Variants in DRD5 observed in about 807,000 individuals in gnomAD.
The protein encoded by DRD5 is D(1B) dopamine receptor.
For synonymous variants in DRD5, 327 were observed against 277.1 expected, an observed-to-expected ratio of 1.18 and a Z score of -1.79; for missense variants, 758 against 657.8, an observed-to-expected ratio of 1.15 and a Z score of -1.67.
Position 9,782,909 on chromosome 4 carries a change from G to A in DRD5, c.880G>A (p.Val294Ile), listed in dbSNP as rs765403527. 13 of 1,613,850 alleles carry A rather than the reference G, an allele frequency of 8.1e-6. No individual in the cohort carries two copies. The highest frequency in any genetic ancestry group is 4.5e-5 in the East Asian group (2 of 44,886). Residue 294 changes from valine to isoleucine, a missense_variant, in exon 1 of 1, where the codon GTT (valine) becomes ATT (isoleucine). Physicochemically the swap from Val to Ile is conservative, Grantham distance 29. Coordinates refer to ENST00000304374, the MANE Select transcript of DRD5 (RefSeq NM_000798.5). ...CGCTTCCATCAAGAAGGAGACCAAGGTTCTCAAGACCCTGTCGGTGATCAT... is the reference window on the plus strand; with the variant it reads ...CGCTTCCATCAAGAAGGAGACCAAGATTCTCAAGACCCTGTCGGTGATCAT... Reference protein sequence around the residue: ...LRASIKKETKVLKTLSVIMGV... With the variant: ...LRASIKKETKILKTLSVIMGV...
Position 9,783,034 on chromosome 4 carries a change from C to A in DRD5, c.1005C>A (p.Cys335Ter), listed in dbSNP as rs145497708. Residue 335 changes from cysteine (C) to a stop codon, truncating the protein, a stop_gained, in exon 1 of 1, where the codon TGC becomes TGA. Transcript: ENST00000304374. LOFTEE classifies it low-confidence loss of function (END_TRUNC). The stretch of plus-strand genomic sequence containing the variant: ...AAGGCCCTCCGGCCGGCTTCCCCTG[C>A]GTCAGTGAGACCACCTTCGACGTCT... The part of the protein sequence containing the change: ...HPEGPPAGFP[C>*]VSETTFDVFV... The A allele has an allele frequency of 2.6e-3, 4,198 of 1,614,230 alleles. 13 individuals are homozygous for A. Among genetic ancestry groups the A allele is most frequent in the Non-Finnish European group, 3.1e-3 (3,680 of 1,180,036 alleles).
Position 9,781,873 on chromosome 4 carries a change from G to A in DRD5, c.-157G>A, listed in dbSNP as rs1207598244. On this transcript the variant is annotated 5_prime_UTR_variant, in exon 1 of 1. Transcript: ENST00000304374. ...CAGGAGGCAAGAGAAGTCCCCGCGC[G>A]CTCCGCAGCCCGGCGCAGCTCATGG... 7 of 584,820 alleles carry A rather than the reference G, an allele frequency of 1.2e-5. No individual in the cohort carries two copies. The highest frequency in any genetic ancestry group is 1.9e-5 in the Non-Finnish European group (7 of 369,494). The allele number at this position is 584,820 out of a possible 1,614,324, so 36.2% of individuals were successfully genotyped here.
rs774650319 is a variant in DRD5, at chr4:9,782,554, G to A, written c.525G>A (p.Pro175=). ...WTLSILISFI[P]VQLNWHRDQA... ...TGTCCATCCTCATCTCCTTCATTCC[G>A]GTCCAGCTCAACTGGCACAGGGACC... The change falls in exon 1 of 1, where the codon CCG becomes CCA. Residue 175 remains proline, a synonymous_variant. Coordinates refer to ENST00000304374, the MANE Select transcript of DRD5 (RefSeq NM_000798.5). 3.7e-6 allele frequency: 6 copies of A among 1,613,758 alleles called. No homozygotes were observed. Among genetic ancestry groups the A allele is most frequent in the Non-Finnish European group, 5.1e-6 (6 of 1,179,860 alleles).
chr4:9,782,625 A>T lies in DRD5; in HGVS notation c.596A>T (p.Asn199Ile). ...GGLDLPNNLA[N>I]WTPWEEDFWE... Reference sequence around the variant, plus strand: ...CTGGACCTGCCAAACAACCTGGCCAACTGGACGCCCTGGGAGGAGGACTTT... The same window carrying T: ...CTGGACCTGCCAAACAACCTGGCCATCTGGACGCCCTGGGAGGAGGACTTT... Residue 199 changes from asparagine to isoleucine, a missense_variant, in exon 1 of 1, where the codon AAC (asparagine) becomes ATC (isoleucine). Asn to Ile is a moderately radical substitution (Grantham distance 149). Coordinates refer to ENST00000304374, the MANE Select transcript of DRD5 (RefSeq NM_000798.5). 6.2e-7 allele frequency: 1 copy of T among 1,614,004 alleles called. No homozygotes were observed. The highest frequency in any genetic ancestry group is 8.5e-7 in the Non-Finnish European group (1 of 1,179,870).
Position 9,782,548 on chromosome 4 carries a change from C to T in DRD5, c.519C>T (p.Phe173=). The T allele has an allele frequency of 1.2e-6, 2 of 1,614,012 alleles. No individual in the cohort carries two copies. The highest frequency in any genetic ancestry group is 1.7e-6 in the Non-Finnish European group (2 of 1,179,880). The change falls in exon 1 of 1, where the codon TTC becomes TTT. Residue 173 remains phenylalanine, a synonymous_variant. Transcript: ENST00000304374. ...LAWTLSILIS[F]IPVQLNWHRD... ...GGACCTTGTCCATCCTCATCTCCTTCATTCCGGTCCAGCTCAACTGGCACA... is the reference window on the plus strand; with the variant it reads ...GGACCTTGTCCATCCTCATCTCCTTTATTCCGGTCCAGCTCAACTGGCACA...
chr4:9,782,465 T>G lies in DRD5; in HGVS notation c.436T>G (p.Phe146Val). ...CCGCTACTGGGCCATCTCCAGGCCC[T>G]TCCGCTACAAGCGCAAGATGACTCA... ...VDRYWAISRPFRYKRKMTQRM... is the reference protein window; with the variant it reads ...VDRYWAISRPVRYKRKMTQRM... Residue 146 changes from phenylalanine to valine, a missense_variant, in exon 1 of 1, where the codon TTC becomes GTC. Phe to Val is a conservative substitution (Grantham distance 50). Coordinates refer to ENST00000304374, the MANE Select transcript of DRD5 (RefSeq NM_000798.5). 6.2e-7 allele frequency: 1 copy of G among 1,613,958 alleles called. No homozygotes were observed. Among genetic ancestry groups the G allele is most frequent in the Non-Finnish European group, 8.5e-7 (1 of 1,179,812 alleles).
rs1265529628 is a variant in DRD5, at chr4:9,782,928, T to G, written c.899T>G (p.Val300Gly). The change falls in exon 1 of 1, where the codon GTG becomes GGG. Residue 300 changes from valine to glycine, a missense_variant. Coordinates refer to ENST00000304374, the MANE Select transcript of DRD5 (RefSeq NM_000798.5). ...KETKVLKTLSVIMGVFVCCWL... is the reference protein window; with the variant it reads ...KETKVLKTLSGIMGVFVCCWL... Reference sequence around the variant, plus strand: ...ACCAAGGTTCTCAAGACCCTGTCGGTGATCATGGGGGTCTTCGTGTGTTGC... The same window carrying G: ...ACCAAGGTTCTCAAGACCCTGTCGGGGATCATGGGGGTCTTCGTGTGTTGC... 1.2e-6 allele frequency: 2 copies of G among 1,613,932 alleles called. No individual in the cohort carries two copies. Among genetic ancestry groups the G allele is most frequent in the Admixed American group, 1.7e-5 (1 of 60,024 alleles).
In DRD5 at chr4:9,783,531, G is replaced by C; in HGVS notation, c.*68G>C. On this transcript the variant is annotated 3_prime_UTR_variant, in exon 1 of 1. Coordinates refer to ENST00000304374, the MANE Select transcript of DRD5 (RefSeq NM_000798.5). ...GACATTGACAAGCACGCACACACAC[G>C]CAAATACATGCCTTTCCAGTGCTGC... is the stretch of plus-strand genomic sequence containing the variant. The C allele has an allele frequency of 7.2e-7, 1 of 1,384,534 alleles. No individual in the cohort carries two copies. The highest frequency in any genetic ancestry group is 9.9e-7 in the Non-Finnish European group (1 of 1,012,552). The allele number at this position is 1,384,534 out of a possible 1,614,324, so 85.8% of individuals were successfully genotyped here.
At position 9,783,230 on chromosome 4, in the gene DRD5, G is replaced by C; in HGVS notation, c.1201G>C (p.Val401Leu). The C allele has an allele frequency of 6.2e-7, 1 of 1,614,160 alleles. No individual in the cohort carries two copies. The highest frequency in any genetic ancestry group is 2.2e-5 in the East Asian group (1 of 44,866). The change falls in exon 1 of 1, where the codon GTC becomes CTC. Residue 401 changes from valine to leucine, a missense_variant. Physicochemically the swap from Val to Leu is conservative, Grantham distance 32. Transcript: ENST00000304374. ...GCTCATCTCCTACAACCAAGACATC[G>C]TCTTCCACAAGGAAATCGCAGCTGC... Reference protein sequence around the residue: ...NELISYNQDIVFHKEIAAAYI... With the variant: ...NELISYNQDILFHKEIAAAYI...
In DRD5 at chr4:9,783,284, A is replaced by AC. The variant is rs1323469484; in HGVS notation, c.1260dup (p.Gly421ArgfsTer28). The AC allele has an allele frequency of 6.2e-7, 1 of 1,614,104 alleles. No individual in the cohort carries two copies. The highest frequency in any genetic ancestry group is 1.1e-5 in the South Asian group (1 of 91,072). On this transcript the variant is annotated frameshift_variant, in exon 1 of 1. Transcript: ENST00000304374. LOFTEE classifies it low-confidence loss of function (END_TRUNC). ...CATCCACATGATGCCCAACGCCGTT[A>AC]CCCCCGGCAACCGGGAGGTGGACAA...
chr4:9,783,520 C>T lies in DRD5; in HGVS notation c.*57C>T, dbSNP rs564604787. ...ATAACCGCACAGACATTGACAAGCA[C>T]GCACACACACGCAAATACATGCCTT... On this transcript the variant is annotated 3_prime_UTR_variant, in exon 1 of 1. Transcript: ENST00000304374. The T allele has an allele frequency of 5.5e-6, 8 of 1,453,806 alleles. No individual in the cohort carries two copies. In the East Asian group the frequency reaches 6.9e-5, roughly 13 times the overall value. 90.1% of individuals were successfully genotyped at this position (1,453,806 alleles called of 1,614,324 possible).
chr4:9,782,454 T>C lies in DRD5; in HGVS notation c.425T>C (p.Ile142Thr). The C allele has an allele frequency of 6.2e-7, 1 of 1,613,960 alleles. No individual in the cohort carries two copies. The highest frequency in any genetic ancestry group is 1.1e-5 in the South Asian group (1 of 91,080). Residue 142 changes from isoleucine (I) to threonine (T), a missense_variant, in exon 1 of 1, where the codon ATC (isoleucine) becomes ACC (threonine). Ile to Thr is a moderately conservative substitution (Grantham distance 89). Coordinates refer to ENST00000304374, the MANE Select transcript of DRD5 (RefSeq NM_000798.5). Reference sequence around the variant, plus strand: ...ATCAGCGTGGACCGCTACTGGGCCATCTCCAGGCCCTTCCGCTACAAGCGC... The same window carrying C: ...ATCAGCGTGGACCGCTACTGGGCCACCTCCAGGCCCTTCCGCTACAAGCGC... The part of the protein sequence containing the change: ...CVISVDRYWA[I>T]SRPFRYKRKM...
chr4:9,782,740 C>T lies in DRD5; in HGVS notation c.711C>T (p.Pro237=), dbSNP rs753915673. The part of the protein sequence containing the change: ...ISSSLISFYI[P]VAIMIVTYTR... Reference sequence around the variant, plus strand: ...CCTCGCTCATCAGCTTCTACATCCCCGTTGCCATCATGATCGTGACCTACA... The same window carrying T: ...CCTCGCTCATCAGCTTCTACATCCCTGTTGCCATCATGATCGTGACCTACA... Residue 237 remains proline, a synonymous_variant, in exon 1 of 1, where the codon CCC becomes CCT. Coordinates refer to ENST00000304374, the MANE Select transcript of DRD5 (RefSeq NM_000798.5). 3.1e-6 allele frequency: 5 copies of T among 1,614,006 alleles called. No homozygotes were observed. Among genetic ancestry groups the T allele is most frequent in the South Asian group, 1.1e-5 (1 of 91,082 alleles).
rs759557243 is a variant in DRD5 at position 9,782,200 on chromosome 4, C to T, written c.171C>T (p.Gly57=). ...TACTCATCATCTGGACCCTGCTGGG[C>T]AACGTGCTGGTGTGCGCAGCCATCG... is the stretch of plus-strand genomic sequence containing the variant. The part of the protein sequence containing the change: ...LTLLIIWTLL[G]NVLVCAAIVR... The change falls in exon 1 of 1, where the codon GGC becomes GGT. Residue 57 remains glycine (G), a synonymous_variant. Coordinates refer to ENST00000304374, the MANE Select transcript of DRD5 (RefSeq NM_000798.5). 21 of 1,609,558 alleles carry T rather than the reference C, an allele frequency of 1.3e-5. No individual in the cohort carries two copies. The African/African-American group carries it at 2.8e-4, about 21-fold the overall frequency.
In DRD5 at chr4:9,783,626, G is replaced by C; in HGVS notation, c.*163G>C. 1 of 708,552 alleles carries C rather than the reference G, an allele frequency of 1.4e-6. No homozygotes were observed. Among genetic ancestry groups the C allele is most frequent in the Non-Finnish European group, 2.3e-6 (1 of 429,112 alleles). 43.9% of individuals were successfully genotyped at this position (708,552 alleles called of 1,614,324 possible). ...ACCTCACCCCATTGATTGGTAGTTCGAAGAATTGGCAGAAGCAGTTGCAAT... is the reference window on the plus strand; with the variant it reads ...ACCTCACCCCATTGATTGGTAGTTCCAAGAATTGGCAGAAGCAGTTGCAAT... On this transcript the variant is annotated 3_prime_UTR_variant, in exon 1 of 1. Transcript: ENST00000304374.
rs759989601 is a variant in DRD5 at position 9,783,751 on chromosome 4, G to C, written c.*288G>C. On this transcript the variant is annotated 3_prime_UTR_variant, in exon 1 of 1. Transcript: ENST00000304374. Reference sequence around the variant, plus strand: ...TCCTTAAAAAAAAAAATGATACTTGGTCCTTAAAAAATATGCTCTCCCCTC... The same window carrying C: ...TCCTTAAAAAAAAAAATGATACTTGCTCCTTAAAAAATATGCTCTCCCCTC... The C allele has an allele frequency of 2.8e-4, 88 of 313,558 alleles. No homozygotes were observed. Among genetic ancestry groups the C allele is most frequent in the Non-Finnish European group, 4.7e-4 (76 of 161,744 alleles). 19.4% of individuals were successfully genotyped at this position (313,558 alleles called of 1,614,324 possible).
Position 9,782,832 on chromosome 4 carries a change from A to G in DRD5, c.803A>G (p.His268Arg), listed in dbSNP as rs1181705503. 1 of 1,613,176 alleles carries G rather than the reference A, an allele frequency of 6.2e-7. No individual in the cohort carries two copies. The highest frequency in any genetic ancestry group is 2.2e-5 in the East Asian group (1 of 44,860). The change falls in exon 1 of 1, where the codon CAC (histidine) becomes CGC (arginine). Residue 268 changes from histidine (H) to arginine (R), a missense_variant. Transcript: ENST00000304374. ...RISSLERAAE[H>R]AQSCRSSAAC... is the part of the protein sequence containing the mutation. ...TCCTCCCTGGAGAGGGCCGCAGAGC[A>G]CGCGCAGAGCTGCCGGAGCAGCGCA...
rs1353730805 is a variant in DRD5, at chr4:9,782,389, C to T, written c.360C>T (p.Asp120=). 2 of 1,614,066 alleles carry T rather than the reference C, an allele frequency of 1.2e-6. No individual in the cohort carries two copies. Among genetic ancestry groups the T allele is most frequent in the East Asian group, 2.2e-5 (1 of 44,888 alleles). The change falls in exon 1 of 1, where the codon GAC becomes GAT. Residue 120 remains aspartate (D), a synonymous_variant. Coordinates refer to ENST00000304374, the MANE Select transcript of DRD5 (RefSeq NM_000798.5). ...TCTGCGACGTCTGGGTGGCCTTCGA[C>T]ATCATGTGCTCCACTGCCTCCATCC... ...GAFCDVWVAF[D]IMCSTASILN... is the part of the protein sequence containing the mutation.
Position 9,782,072 on chromosome 4 carries a change from T to G in DRD5, c.43T>G (p.Phe15Val), listed in dbSNP as rs1201128653. ...CAACGGCACCGCGTACCCGGGGCAG[T>G]TCGCTCTATACCAGCAGCTGGCGCA... ...GSNGTAYPGQ[F>V]ALYQQLAQGN... The change falls in exon 1 of 1, where the codon TTC (phenylalanine) becomes GTC (valine). Residue 15 changes from phenylalanine to valine, a missense_variant. Transcript: ENST00000304374. 1.3e-6 allele frequency: 2 copies of G among 1,500,694 alleles called. No homozygotes were observed. The highest frequency in any genetic ancestry group is 1.8e-6 in the Non-Finnish European group (2 of 1,128,226). 93.0% of individuals were successfully genotyped at this position (1,500,694 alleles called of 1,614,324 possible).
Sources: gnomAD v4.1 joint callset for allele counts on GRCh38, gnomAD v4.1.1 for gene constraint, MANE v1.5 for transcripts, NCBI Gene and HGNC (gene_info 2026-07-23, HGNC 2026-07-21) for gene names.